The following SORCS2 variants were observed in gnomAD, a reference collection of about 807,000 sequenced individuals.
SORCS2 encodes the protein sortilin related VPS10 domain containing receptor 2.
Under a neutral mutation model 141.6 loss-of-function variants are expected in SORCS2, and 100 were observed. The observed-to-expected ratio is 0.71, with a 90% CI of 0.60 to 0.83. The LOEUF (loss-of-function observed/expected upper bound fraction) is 0.83, where lower values mean the gene tolerates loss of function less well. Ranked by LOEUF, SORCS2 falls within the 40% of genes least tolerant of loss-of-function variation. The pLI is 0.00. For missense variants in SORCS2, 1,646 were observed against 1,560.2 expected, an observed-to-expected ratio of 1.05 and a Z score of -0.93; for synonymous variants, 789 against 676.9, an observed-to-expected ratio of 1.17 and a Z score of -2.57.
At chr4:7,488,902 C>T (rs563066015) in intron 2 of SORCS2, among the ~76,000 whole-genome samples, 1 of 152,362 alleles carries the variant, frequency 6.6e-6, no homozygotes, top group African/African-American at 2.4e-5. Flanking sequence ...AGCTAAGTCC[C>T]CCTGTGCCAT....
At chr4:7,448,098 C>T (rs1367726240) in intron 2 of SORCS2, among the ~76,000 whole-genome samples, 1 of 152,186 alleles carries the variant, frequency 6.6e-6, no homozygotes, top group African/African-American at 2.4e-5. Flanking sequence ...TGTACGTAGG[C>T]GAGAGTCCAC....
chr4:7,328,018 CTTTTTTTTTT>C (rs60976971), intron 1 of SORCS2, among the ~76,000 whole-genome samples: 1 of 88,698 alleles, frequency 1.1e-5, no homozygotes, highest in Non-Finnish European at 2.2e-5. Flanking sequence ...TCGTGCTAGG[CTTTTTTTTTT>C]TTTTTTTTTT....
intron 1 of SORCS2, among the ~76,000 whole-genome samples, chr4:7,215,791 CTG>C (rs1339420899): frequency 2.6e-5 from 4 of 152,302 alleles, no homozygotes; most frequent in African/African-American, 7.2e-5. Context: ...TGTGTCGAAA[CTG>C]TGTATCTAAC....
intron 21 of SORCS2, among the ~76,000 whole-genome samples, chr4:7,728,047 G>T (rs144580789): frequency 6.6e-6 from 1 of 152,190 alleles, no homozygotes; most frequent in Non-Finnish European, 1.5e-5. Context: ...CTGGGTCAGC[G>T]CATCTTTATC....
chr4:7,583,391 G>A (rs1031291386), intron 3 of SORCS2, among the ~76,000 whole-genome samples: 1 of 152,176 alleles, frequency 6.6e-6, no homozygotes, highest in African/African-American at 2.4e-5. Context: ...AGCTAAAACA[G>A]GAACTCAACT....
intron 1 of SORCS2, among the ~76,000 whole-genome samples, chr4:7,361,187 T>C (rs1422838158): frequency 6.6e-6 from 1 of 152,218 alleles, no homozygotes. Context: ...GGAGGTAACT[T>C]CGTTATGCCT....
intron 3 of SORCS2, among the ~76,000 whole-genome samples, chr4:7,535,669 C>T (rs1712060669): frequency 6.6e-6 from 1 of 152,254 alleles, no homozygotes; most frequent in South Asian, 2.1e-4. Context: ...ACACTGACGC[C>T]CTCCTGGCCA....
chr4:7,335,450 C>T (rs1461290436), intron 1 of SORCS2, among the ~76,000 whole-genome samples: 1 of 152,244 alleles, frequency 6.6e-6, no homozygotes, highest in Non-Finnish European at 1.5e-5. Flanking sequence ...ACAGACCCCA[C>T]ACGTGCTGAG....
At chr4:7,502,562 G>T (rs1732034068) in intron 2 of SORCS2, among the ~76,000 whole-genome samples, 1 of 152,216 alleles carries the variant, frequency 6.6e-6, no homozygotes, top group Admixed American at 6.5e-5. Flanking sequence ...AGCCGCCTTT[G>T]TTGCTCCTCC....
At position 7,471,990 on chromosome 4, in the gene SORCS2, G is replaced by A. The variant is rs113451436; in HGVS notation, c.549-59540G>A. On this transcript the variant is annotated intron_variant, in intron 2 of 26. Coordinates refer to ENST00000507866, the MANE Select transcript of SORCS2 (RefSeq NM_020777.3). Reference sequence around the variant, plus strand: ...CCCTCTGGAGAAAGGCCCAGGACCCGATTCAGCGGCATCATTCCCTAGTGC... The same window carrying A: ...CCCTCTGGAGAAAGGCCCAGGACCCAATTCAGCGGCATCATTCCCTAGTGC... Among the ~76,000 whole-genome samples the A allele has an allele frequency of 8.8e-3, 1,340 of 152,336 alleles. 16 individuals are homozygous for A. The highest frequency in any genetic ancestry group is 0.031 in the African/African-American group (1,278 of 41,580).
intron 3 of SORCS2, among the ~76,000 whole-genome samples, chr4:7,620,039 TCCTCCTCCTCCTTCC>T (rs1719058166): frequency 6.7e-6 from 1 of 150,240 alleles, no homozygotes; most frequent in South Asian, 2.1e-4. Context: ...TCCTCCTTCC[TCCTCCTCCTCCTTCC>T]TCTTCCTCCT....
chr4:7,445,891 G>GTGT (rs1727961411), intron 2 of SORCS2, among the ~76,000 whole-genome samples: 1 of 152,200 alleles, frequency 6.6e-6, no homozygotes, highest in Non-Finnish European at 1.5e-5. Context: ...CACTGGCCCT[G>GTGT]AGAGTAGAGG....
chr4:7,552,343 G>T (rs561039804), intron 3 of SORCS2, among the ~76,000 whole-genome samples: 1 of 152,204 alleles, frequency 6.6e-6, no homozygotes, highest in East Asian at 1.9e-4. Flanking sequence ...TGTCCCCTGG[G>T]GCACCAGCAC....
At chr4:7,284,185 C>T (rs1046107043) in intron 1 of SORCS2, among the ~76,000 whole-genome samples, 1 of 152,158 alleles carries the variant, frequency 6.6e-6, no homozygotes, top group Admixed American at 6.5e-5. Flanking sequence ...TGGCCATTTT[C>T]AACTGGGACA....
intron 1 of SORCS2, among the ~76,000 whole-genome samples, chr4:7,294,331 C>T (rs982268655): frequency 3.9e-5 from 6 of 152,148 alleles, no homozygotes; most frequent in Non-Finnish European, 8.8e-5. Context: ...AACAGGCATC[C>T]TCTGGTGTAA....
intron 1 of SORCS2, among the ~76,000 whole-genome samples, chr4:7,394,630 G>A (rs528265608): frequency 2.0e-5 from 3 of 152,186 alleles, no homozygotes; most frequent in African/African-American, 7.2e-5. Flanking sequence ...CCTCGAGGGA[G>A]GGGGAGGAGG....
At chr4:7,317,958 C>A (rs776158756) in intron 1 of SORCS2, among the ~76,000 whole-genome samples, 7 of 152,236 alleles carry the variant, frequency 4.6e-5, no homozygotes, top group Admixed American at 6.5e-5. Context: ...CAGAATGTGA[C>A]AGAAACTTCC....
At chr4:7,260,722 G>A (rs781657339) in intron 1 of SORCS2, among the ~76,000 whole-genome samples, 1 of 152,214 alleles carries the variant, frequency 6.6e-6, no homozygotes, top group Non-Finnish European at 1.5e-5. Flanking sequence ...GGGTGGTAAG[G>A]AGGGCAGAAC....
In SORCS2 at chr4:7,497,437, T is replaced by G. The variant is rs182570116; in HGVS notation, c.549-34093T>G. Among the ~76,000 whole-genome samples the G allele has an allele frequency of 1.6e-3, 230 of 146,918 alleles. 1 individual carries two copies. The highest frequency in any genetic ancestry group is 5.3e-3 in the African/African-American group (215 of 40,356). ...TCCCAAACCCACACCCAGTGAAGGG[T>G]GAGGCTGTCTCTTACCCCCTCCTCC... is the stretch of plus-strand genomic sequence containing the variant. On this transcript the variant is annotated intron_variant, in intron 2 of 26. Transcript: ENST00000507866.
Sources: gnomAD v4.1 joint callset for allele counts (sites outside exome capture counted in the v4.1 genomes callset) on GRCh38, gnomAD v4.1.1 for gene constraint, MANE v1.5 for transcripts, NCBI Gene and HGNC (gene_info 2026-07-23, HGNC 2026-07-21) for gene names.